The following ZDHHC15 variants were observed in gnomAD, a reference collection of about 807,000 sequenced individuals.
ZDHHC15 encodes palmitoyltransferase ZDHHC15.
ZDHHC15 carries 19 observed loss-of-function variants against 31.7 expected under a neutral mutation model. The observed-to-expected ratio is 0.60, with a 90% CI of 0.42 to 0.88. The LOEUF is 0.88. ZDHHC15 is among the 40% of genes least tolerant of loss of function. The pLI is 0.00. For missense variants in ZDHHC15, 209 were observed against 251.2 expected, an observed-to-expected ratio of 0.83 and a Z score of 1.14; for synonymous variants, 103 against 90.0, an observed-to-expected ratio of 1.14 and a Z score of -0.82.
At chrX:75,447,259 C>T (rs943337668) in intron 4 of ZDHHC15, among the ~76,000 whole-genome samples, 6 of 112,114 alleles carry the variant, frequency 5.4e-5, no homozygotes, top group African/African-American at 9.7e-5. Context: ...ATCATAGCAG[C>T]GGCAGCGTTT....
chrX:75,516,797 G>A (rs933869179), intron 1 of ZDHHC15, among the ~76,000 whole-genome samples: 4 of 111,424 alleles, frequency 3.6e-5, no homozygotes, highest in Non-Finnish European at 7.5e-5. Context: ...GAGTGAACAG[G>A]CAACCTACAG....
intron 7 of ZDHHC15, among the ~76,000 whole-genome samples, chrX:75,425,576 T>G (rs1219896344): frequency 8.9e-6 from 1 of 112,549 alleles, no homozygotes; most frequent in African/African-American, 3.2e-5. Flanking sequence ...AAGAGAATCT[T>G]AGAAAACATT....
intron 3 of ZDHHC15, among the ~76,000 whole-genome samples, chrX:75,476,391 T>C (rs922742746): frequency 2.3e-4 from 26 of 111,380 alleles, no homozygotes; most frequent in Admixed American, 8.6e-4. Flanking sequence ...TCTTTACTTG[T>C]TAAAAGTCTA....
chrX:75,467,626 T>C (rs2084428257), intron 3 of ZDHHC15, among the ~76,000 whole-genome samples: 1 of 112,306 alleles, frequency 8.9e-6, no homozygotes, highest in South Asian at 3.7e-4. Context: ...ATATTTGTAG[T>C]GGATGTCTAA....
chrX:75,404,119 A>G (rs1403353953), intron 10 of ZDHHC15, among the ~76,000 whole-genome samples: 1 of 111,848 alleles, frequency 8.9e-6, no homozygotes, highest in Non-Finnish European at 1.9e-5. Context: ...AAAAATAAAC[A>G]ATGGGGAAAA....
At chrX:75,415,617 T>A (rs2083540661) in intron 10 of ZDHHC15, among the ~76,000 whole-genome samples, 1 of 112,378 alleles carries the variant, frequency 8.9e-6, no homozygotes, top group Non-Finnish European at 1.9e-5. Flanking sequence ...CTCTCAATTT[T>A]AGTTTCTTAA....
intron 3 of ZDHHC15, among the ~76,000 whole-genome samples, chrX:75,453,311 A>G (rs1367542493): frequency 9.0e-6 from 1 of 111,700 alleles, no homozygotes; most frequent in African/African-American, 3.3e-5. Context: ...AAATTCCTGG[A>G]CACATATACC....
intron 10 of ZDHHC15, among the ~76,000 whole-genome samples, chrX:75,412,003 G>T (rs1054957558): frequency 1.8e-5 from 2 of 111,805 alleles, no homozygotes; most frequent in Non-Finnish European, 3.8e-5. Flanking sequence ...CATTCAAATG[G>T]CCAACAGGTG....
chrX:75,474,649 T>G (rs1157705072), intron 3 of ZDHHC15, among the ~76,000 whole-genome samples: 1 of 54,827 alleles, frequency 1.8e-5, no homozygotes, highest in Non-Finnish European at 4.3e-5. Context: ...ACTAAAATAT[T>G]CCTGATCATT....
chrX:75,409,485 C>CAA (rs60512653), intron 10 of ZDHHC15, among the ~76,000 whole-genome samples: 2 of 28,539 alleles, frequency 7.0e-5, no homozygotes, highest in African/African-American at 3.4e-4. Flanking sequence ...AAGTCCCTGC[C>CAA]AAAAAAAAAA....
chrX:75,444,668 A>G (rs2084003444), intron 4 of ZDHHC15, among the ~76,000 whole-genome samples: 1 of 81,163 alleles, frequency 1.2e-5, no homozygotes, highest in Non-Finnish European at 2.3e-5. Context: ...ATATATATAT[A>G]TATATATATA....
chrX:75,374,658 A>AGTGTGTGTGT (rs760934695), intron 11 of ZDHHC15, among the ~76,000 whole-genome samples: 349 of 100,009 alleles, frequency 3.5e-3, no homozygotes, highest in African/African-American at 0.013. Flanking sequence ...AGTAAATTTT[A>AGTGTGTGTGT]GTGTGTGTGT....
intron 7 of ZDHHC15, among the ~76,000 whole-genome samples, chrX:75,427,174 CTA>C (rs953590775): frequency 9.0e-6 from 1 of 111,341 alleles, no homozygotes; most frequent in Admixed American, 9.6e-5. Context: ...TGTTATCTGG[CTA>C]AAGAGACTGC....
At chrX:75,488,006 C>G (rs1397650625) in intron 2 of ZDHHC15, among the ~76,000 whole-genome samples, 1 of 111,863 alleles carries the variant, frequency 8.9e-6, no homozygotes, top group Admixed American at 9.5e-5. Flanking sequence ...ATGAACAAAG[C>G]CTTCAAAGAT....
At chrX:75,386,192 T>C (rs1047910245) in intron 10 of ZDHHC15, among the ~76,000 whole-genome samples, 1 of 111,480 alleles carries the variant, frequency 9.0e-6, no homozygotes, top group Non-Finnish European at 1.9e-5. Flanking sequence ...GGCCACAATA[T>C]ATAAAACATT....
chrX:75,457,548 T>A (rs1444946093), intron 3 of ZDHHC15, among the ~76,000 whole-genome samples: 1 of 110,030 alleles, frequency 9.1e-6, no homozygotes, highest in African/African-American at 3.3e-5. Flanking sequence ...TATATGCCTG[T>A]CTTATGACCC....
chrX:75,419,646 A>G (rs1293298027), intron 9 of ZDHHC15, among the ~76,000 whole-genome samples: 1 of 110,495 alleles, frequency 9.1e-6, no homozygotes, highest in Non-Finnish European at 1.9e-5. Context: ...AGACACATGC[A>G]CACGTATGTT....
At chrX:75,484,790 A>T (rs769036562) in intron 2 of ZDHHC15, among the ~76,000 whole-genome samples, 38 of 112,196 alleles carry the variant, frequency 3.4e-4, no homozygotes, top group Non-Finnish European at 7.0e-4. Flanking sequence ...GCTTTATTCA[A>T]AATAGTTTCA....
chrX:75,396,987 C>T (rs936635063), intron 10 of ZDHHC15, among the ~76,000 whole-genome samples: 2 of 110,633 alleles, frequency 1.8e-5, no homozygotes, highest in Non-Finnish European at 3.8e-5. Flanking sequence ...TAACCAGAGG[C>T]TGGGAATGGT....
Sources: allele counts gnomAD v4.1 joint callset (sites outside exome capture counted in the v4.1 genomes callset), GRCh38; gene constraint gnomAD v4.1.1; transcripts MANE v1.5; gene names NCBI Gene and HGNC (gene_info 2026-07-23, HGNC 2026-07-21).